Variants in DLX3 observed in about 807,000 individuals in gnomAD.
DLX3 encodes homeobox protein DLX-3.
Under a neutral mutation model 28.0 loss-of-function variants are expected in DLX3, and 9 were observed. The ratio of observed to expected loss-of-function variants is 0.32; its 90% CI spans 0.19 to 0.56. The LOEUF (loss-of-function observed/expected upper bound fraction) is 0.56, where lower values mean the gene tolerates loss of function less well. DLX3 is among the 20% of genes least tolerant of loss of function. The pLI, the probability that DLX3 is intolerant of heterozygous loss-of-function variation, is 0.91. For synonymous variants in DLX3, 154 were observed against 167.9 expected, an observed-to-expected ratio of 0.92 and a Z score of 0.64; for missense variants, 313 against 378.2, an observed-to-expected ratio of 0.83 and a Z score of 1.43.
At chr17:49,993,776 G>C (rs961661142) in intron 1 of DLX3, 186 bp from the exon 2 acceptor site, 9 of 450,250 alleles carry the variant, frequency 2.0e-5, no homozygotes, top group Non-Finnish European at 3.2e-5. Context: ...AACTGGCCGC[G>C]GCCCACAACG....
At position 49,995,072 on chromosome 17, in the gene DLX3, G is replaced by T; in HGVS notation, c.-74C>A. On this transcript the variant is annotated 5_prime_UTR_variant, in exon 1 of 3. Transcript: ENST00000434704. Reference sequence around the variant, plus strand: ...AACGGACCGGAGTGCGAGAGAGGCGGAAGAGACGAGGCAGGGGTGTGTGTC... The same window carrying T: ...AACGGACCGGAGTGCGAGAGAGGCGTAAGAGACGAGGCAGGGGTGTGTGTC... 6.5e-7 allele frequency: 1 copy of T among 1,539,014 alleles called. No homozygotes were observed. The highest frequency in any genetic ancestry group is 8.8e-7 in the Non-Finnish European group (1 of 1,140,120).
At position 49,991,409 on chromosome 17, in the gene DLX3, G is replaced by A. The variant is rs1906081727; in HGVS notation, c.*108C>T. The A allele has an allele frequency of 5.0e-6, 5 of 1,002,980 alleles. No homozygotes were observed. The highest frequency in any genetic ancestry group is 7.2e-6 in the Non-Finnish European group (5 of 697,990). The allele number at this position is 1,002,980 out of a possible 1,614,324, so 62.1% of individuals were successfully genotyped here. ...GAGGAAGGGGCAAGGGAGGGGGAAA[G>A]GGAGTTCCTTTTCCCTGTGCTCCTC... is the stretch of plus-strand genomic sequence containing the variant. On this transcript the variant is annotated 3_prime_UTR_variant, in exon 3 of 3. Coordinates refer to ENST00000434704, the MANE Select transcript of DLX3 (RefSeq NM_005220.3).
intron 2 of DLX3, among the ~76,000 whole-genome samples, chr17:49,992,879 G>A (rs1243949444): frequency 6.6e-6 from 1 of 152,182 alleles, no homozygotes; most frequent in African/African-American, 2.4e-5. Flanking sequence ...TGCTGAGCAG[G>A]AATGTGGTAT....
Position 49,991,661 on chromosome 17 carries a change from G to A in DLX3, c.720C>T (p.Ser240=). The A allele has an allele frequency of 2.5e-6, 4 of 1,613,986 alleles. No homozygotes were observed. The highest frequency in any genetic ancestry group is 3.4e-6 in the Non-Finnish European group (4 of 1,179,992). The change falls in exon 3 of 3, where the codon TCC becomes TCT. Residue 240 remains serine (S), a synonymous_variant. Transcript: ENST00000434704. Reference sequence around the variant, plus strand: ...TGGTGGGGTCGTCCAGGTAGCTGGGGGAGGCACTGTATGGGAGCGGCGGGG... The same window carrying A: ...TGGTGGGGTCGTCCAGGTAGCTGGGAGAGGCACTGTATGGGAGCGGCGGGG... ...QLPPPLPYSA[S]PSYLDDPTNS...
chr17:49,990,837 C>T lies in DLX3; in HGVS notation c.*680G>A, dbSNP rs779051881. 5.2e-5 allele frequency: 8 copies of T among 152,760 alleles called. No individual in the cohort carries two copies. The South Asian group carries it at 6.2e-4, about 12-fold the overall frequency. 9.5% of individuals were successfully genotyped at this position (152,760 alleles called of 1,614,324 possible). ...CTGAGACCCACCCCTCCTCTCGGAA[C>T]GGAGGAGAGGGGAGAGAGATGGCTC... is the stretch of plus-strand genomic sequence containing the variant. On this transcript the variant is annotated 3_prime_UTR_variant, in exon 3 of 3. Transcript: ENST00000434704.
chr17:49,992,393 TCA>T (rs1266262399), intron 2 of DLX3, among the ~76,000 whole-genome samples: 1 of 151,846 alleles, frequency 6.6e-6, no homozygotes. Context: ...ACTCACAGCC[TCA>T]CACACAGACA....
At chr17:49,991,992 C>G in intron 2 of DLX3, 128 bp from the exon 3 acceptor site, 1 of 880,836 alleles carries the variant, frequency 1.1e-6, no homozygotes, top group Admixed American at 2.1e-5. Context: ...AAAAACAGGC[C>G]TCCTGACTCC....
chr17:49,992,204 C>T (rs954411700), intron 2 of DLX3, among the ~76,000 whole-genome samples: 5 of 152,006 alleles, frequency 3.3e-5, no homozygotes, highest in South Asian at 2.1e-4. Context: ...AAATAAGGTA[C>T]GACATATAAA....
rs1032099378 is a variant in DLX3 at position 49,991,621 on chromosome 17, C to G, written c.760G>C (p.Ala254Pro). Residue 254 changes from alanine to proline, a missense_variant, in exon 3 of 3, where the codon GCA becomes CCA. Physicochemically the swap from Ala to Pro is conservative, Grantham distance 27. Coordinates refer to ENST00000434704, the MANE Select transcript of DLX3 (RefSeq NM_005220.3). ...LDDPTNSWYH[A>P]QNLSGPHLQQ... is the part of the protein sequence containing the mutation. ...AAGTGGGGTCCACTCAGGTTCTGTG[C>G]GTGATACCAGGAGTTGGTGGGGTCG... is the stretch of plus-strand genomic sequence containing the variant. The G allele has an allele frequency of 1.9e-6, 3 of 1,613,366 alleles. No individual in the cohort carries two copies. Among genetic ancestry groups the G allele is most frequent in the African/African-American group, 2.7e-5 (2 of 74,826 alleles).
chr17:49,991,966 A>C lies in DLX3; in HGVS notation c.517-102T>G, dbSNP rs1179029609. The C allele has an allele frequency of 3.3e-6, 4 of 1,209,666 alleles. No individual in the cohort carries two copies. The Admixed American group carries it at 7.8e-5, about 24-fold the overall frequency. The allele number at this position is 1,209,666 out of a possible 1,614,324, so 74.9% of individuals were successfully genotyped here. A position where few individuals can be genotyped will look rare whatever the true frequency, so the allele number is the denominator to read the frequency against. Reference sequence around the variant, plus strand: ...AAAAGAAAGGCCAGAACCCAATTTCACATAAGAATCAGGCAAAAAACAGGC... The same window carrying C: ...AAAAGAAAGGCCAGAACCCAATTTCCCATAAGAATCAGGCAAAAAACAGGC... On this transcript the variant is annotated intron_variant, in intron 2 of 2. Transcript: ENST00000434704.
Position 49,993,390 on chromosome 17 carries a change from A to G in DLX3, c.516+10T>C. The G allele has an allele frequency of 6.3e-7, 1 of 1,597,058 alleles. No homozygotes were observed. The highest frequency in any genetic ancestry group is 1.1e-5 in the South Asian group (1 of 90,184). On this transcript the variant is annotated intron_variant, in intron 2 of 2. Coordinates refer to ENST00000434704, the MANE Select transcript of DLX3 (RefSeq NM_005220.3). ...CGCGCCCCCGCGGCCCTGGACAGCC[A>G]AACACCAACCTGTGTCTGCGTGAGG...
Position 49,991,730 on chromosome 17 carries a change from G to A in DLX3, c.651C>T (p.Asp217=). The change falls in exon 3 of 3, where the codon GAC becomes GAT. Residue 217 remains aspartate, a synonymous_variant. Coordinates refer to ENST00000434704, the MANE Select transcript of DLX3 (RefSeq NM_005220.3). ...CNSPPSPALW[D]TSSHSTPAPA... The stretch of plus-strand genomic sequence containing the variant: ...GGGCCGGAGTGGAGTGGGAAGAGGT[G>A]TCCCAGAGGGCGGGTGATGGTGGTG... 6 of 1,614,090 alleles carry A rather than the reference G, an allele frequency of 3.7e-6. No homozygotes were observed. Among genetic ancestry groups the A allele is most frequent in the Admixed American group, 1.7e-5 (1 of 60,024 alleles).
Position 49,993,442 on chromosome 17 carries a change from C to G in DLX3, c.474G>C (p.Glu158Asp). 1 of 1,610,502 alleles carries G rather than the reference C, an allele frequency of 6.2e-7. No homozygotes were observed. The highest frequency in any genetic ancestry group is 1.1e-5 in the South Asian group (1 of 90,878). Reference sequence around the variant, plus strand: ...CCAGCTGCGCGGCCAGCTCGGCGCGCTCGGGCAGCGCCAGGTACTGGGCCT... The same window carrying G: ...CCAGCTGCGCGGCCAGCTCGGCGCGGTCGGGCAGCGCCAGGTACTGGGCCT... Reference protein sequence around the residue: ...FQKAQYLALPERAELAAQLGL... With the variant: ...FQKAQYLALPDRAELAAQLGL... The change falls in exon 2 of 3, where the codon GAG (glutamate) becomes GAC (aspartate). Residue 158 changes from glutamate to aspartate, a missense_variant. By Grantham distance (45) the Glu-to-Asp change is conservative (BLOSUM62 2). Around this residue, in one of 3 missense-constraint regions of DLX3, gnomAD observed 10 missense variants for 35.2 expected, o/e 0.28. Transcript: ENST00000434704.
Position 49,991,570 on chromosome 17 carries a change from T to G in DLX3, c.811A>C (p.Thr271Pro). The part of the protein sequence containing the change: ...HLQQQPPQPA[T>P]LHHASPGPPP... The stretch of plus-strand genomic sequence containing the variant: ...GGCCCGGGAGAGGCATGGTGCAGGG[T>G]GGCTGGCTGAGGCGGCTGCTGCTGT... The change falls in exon 3 of 3, where the codon ACC (threonine) becomes CCC (proline). Residue 271 changes from threonine to proline, a missense_variant. Transcript: ENST00000434704. 1.2e-6 allele frequency: 2 copies of G among 1,612,268 alleles called. No homozygotes were observed. The highest frequency in any genetic ancestry group is 1.7e-6 in the Non-Finnish European group (2 of 1,179,900).
chr17:49,993,718 G>T, intron 1 of DLX3, 128 bp from the exon 2 acceptor site: 1 of 1,097,156 alleles, frequency 9.1e-7, no homozygotes, highest in Non-Finnish European at 1.2e-6. Flanking sequence ...TCCCGGCCGC[G>T]CGCTCCGCTG....
chr17:49,993,739 AG>A, intron 1 of DLX3, 149 bp from the exon 2 acceptor site: 6 of 823,404 alleles, frequency 7.3e-6, no homozygotes, highest in African/African-American at 1.9e-5. Flanking sequence ...CCCGCGGCCC[AG>A]GGGGGAGCCG....
rs11868203 is a variant in DLX3 at position 49,991,799 on chromosome 17, C to T, written c.582G>A (p.Pro194=). 17,095 of 1,614,056 alleles carry T rather than the reference C, an allele frequency of 0.011. 127 individuals carry two copies. Among genetic ancestry groups the T allele is most frequent in the South Asian group, 0.019 (1,686 of 91,076 alleles). ...FKKLYKNGEV[P]LEHSPNNSDS... ...CACTGTTATTGGGACTGTGCTCCAG[C>T]GGCACCTCCCCGTTCTTGTAGAGTT... Residue 194 remains proline (P), a synonymous_variant, in exon 3 of 3, where the codon CCG becomes CCA. Transcript: ENST00000434704.
At chr17:49,994,586 C>T (rs768128601) in intron 1 of DLX3, 88 bp downstream of exon 1, 257 of 1,463,662 alleles carry the variant, frequency 1.8e-4, no homozygotes, top group Admixed American at 5.4e-4. Context: ...TAGAAGTTTT[C>T]CTAGATTTTG....
rs1906080422 is a variant in DLX3, at chr17:49,991,388, A to G, written c.*129T>C. ...CTGGAAGCGCTTGGGTCCCTGGAGG[A>G]AGGGGCAAGGGAGGGGGAAAGGGAG... On this transcript the variant is annotated 3_prime_UTR_variant, in exon 3 of 3. Transcript: ENST00000434704. The G allele has an allele frequency of 2.4e-6, 2 of 843,920 alleles. No individual in the cohort carries two copies. The highest frequency in any genetic ancestry group is 3.6e-6 in the Non-Finnish European group (2 of 558,050). 52.3% of individuals were successfully genotyped at this position (843,920 alleles called of 1,614,324 possible).
Sources: allele counts gnomAD v4.1 joint callset (sites outside exome capture counted in the v4.1 genomes callset), GRCh38; gene constraint gnomAD v4.1.1; regional missense constraint gnomAD v4.1.1; transcripts MANE v1.5; gene names NCBI Gene and HGNC (gene_info 2026-07-23, HGNC 2026-07-21).